The following PHACTR2 variants were observed in gnomAD, a reference collection of about 807,000 sequenced individuals.
The protein encoded by PHACTR2 is phosphatase and actin regulator 2, also known as chromosome 6 open reading frame 56.
PHACTR2 carries 30 observed loss-of-function variants against 76.0 expected under a neutral mutation model. The ratio of observed to expected loss-of-function variants is 0.39; its 90% CI spans 0.30 to 0.54. PHACTR2 has a LOEUF of 0.54. Among genes scored for constraint, PHACTR2 ranks in the 20% least tolerant of loss-of-function variants. The probability of loss-of-function intolerance (pLI) is 0.61; values close to 1 mark genes in which losing one functional copy is unlikely to be tolerated. For missense variants in PHACTR2, 696 were observed against 781.1 expected (o/e 0.89, Z 1.30); for synonymous variants, 292 against 292.5 (o/e 1.00, Z 0.02).
rs553956877 is a variant in PHACTR2, at chr6:143,541,671, G to A, written c.217+4464G>A. On this transcript the variant is annotated intron_variant, in intron 1 of 11. Transcript: ENST00000367584. The surrounding 1 kb of genome is among the most constrained non-coding windows in gnomAD (Gnocchi z 5.3). ...TCTTTTTCTCAAATCTTTAATTCCT[G>A]GTGTGTTCAGTGCTGAGTGGAAGTG... Among the ~76,000 whole-genome samples the A allele has an allele frequency of 6.6e-6, 1 of 152,104 alleles. No homozygotes were observed. The highest frequency in any genetic ancestry group is 2.4e-5 in the African/African-American group (1 of 41,402).
rs976909839 is a variant in PHACTR2 at position 143,801,140 on chromosome 6, T to C, written c.1846-5917T>C. ...GCTGCCCTTAACATTTTTTCCTCCA[T>C]TTCAACCTTCGTGAATCTGACAGTT... is the stretch of plus-strand genomic sequence containing the variant. On this transcript the variant is annotated intron_variant, in intron 11 of 12. Transcript: ENST00000440869. This position sits in a 1 kb window ranked among gnomAD's most constrained non-coding sequence, Gnocchi z 4.6. 4.6e-5 allele frequency among the ~76,000 whole-genome samples: 7 copies of C among 152,216 alleles called. No homozygotes were observed. The highest frequency in any genetic ancestry group is 8.8e-5 in the Non-Finnish European group (6 of 68,048).
rs71024875 is a variant in PHACTR2 at position 143,751,791 on chromosome 6, T to TACAC, written c.296-1932_296-1929dup. On this transcript the variant is annotated intron_variant, in intron 3 of 12. Transcript: ENST00000440869. This position sits in a 1 kb window ranked among gnomAD's most constrained non-coding sequence, Gnocchi z 5.7. Reference sequence around the variant, plus strand: ...TCCTTTGCTCTGCTTGTATTTTACTTACACACACACACACACACACACACA... The same window carrying TACAC: ...TCCTTTGCTCTGCTTGTATTTTACTTACACACACACACACACACACACACACACA... Among the ~76,000 whole-genome samples, 7,107 of 140,292 alleles carry TACAC rather than the reference T, an allele frequency of 0.051. 266 individuals carry two copies. Among genetic ancestry groups the TACAC allele is most frequent in the Admixed American group, 0.084 (1,154 of 13,710 alleles). The allele number at this position is 140,292 out of a possible 152,430, so 92.0% of individuals were successfully genotyped here.
In PHACTR2 at chr6:143,662,422, C is replaced by T. The variant is rs771016973; in HGVS notation, c.14-49594C>T. ...TTTGTTTGTTATTCCCTTAAGATGT[C>T]GTTTGGAGTTTTAAAGATATCATTG... On this transcript the variant is annotated intron_variant, in intron 1 of 11. Coordinates refer to the PHACTR2 transcript ENST00000305766. The surrounding 1 kb of genome is among the most constrained non-coding windows in gnomAD (Gnocchi z 4.7). 2.0e-5 allele frequency among the ~76,000 whole-genome samples: 3 copies of T among 151,948 alleles called. No homozygotes were observed. The highest frequency in any genetic ancestry group is 4.4e-5 in the Non-Finnish European group (3 of 67,982).
intron 1 of PHACTR2, among the ~76,000 whole-genome samples, chr6:143,584,195 AC>A (rs1775600936): frequency 6.6e-6 from 1 of 152,194 alleles, no homozygotes; most frequent in Admixed American, 6.5e-5. Flanking sequence ...TTAACTCTTG[AC>A]TAGAACCACT....
Position 143,765,159 on chromosome 6 carries a change from A to T in PHACTR2, c.695-102A>T. The T allele has an allele frequency of 2.2e-6, 2 of 915,446 alleles. No homozygotes were observed. The highest frequency in any genetic ancestry group is 3.3e-6 in the Non-Finnish European group (2 of 599,216). The allele number at this position is 915,446 out of a possible 1,614,324, so 56.7% of individuals were successfully genotyped here. A position where few individuals can be genotyped will look rare whatever the true frequency, so the allele number is the denominator to read the frequency against. On this transcript the variant is annotated intron_variant, in intron 5 of 12. Coordinates refer to ENST00000440869, the MANE Select transcript of PHACTR2 (RefSeq NM_001100164.2). The surrounding 1 kb of genome is among the most constrained non-coding windows in gnomAD (Gnocchi z 4.1). ...CTTATACATTTATTCAACAAACTTT[A>T]AAGGGAACATTTTAAATGTTGTTGA... is the stretch of plus-strand genomic sequence containing the variant.
rs759223281 is a variant in PHACTR2, at chr6:143,547,813, A to G, written c.217+10606A>G. On this transcript the variant is annotated intron_variant, in intron 1 of 11. Coordinates refer to the PHACTR2 transcript ENST00000367584. This position sits in a 1 kb window ranked among gnomAD's most constrained non-coding sequence, Gnocchi z 4.2. ...TACATTGGTTGTGATCAAGGAGGGC[A>G]CTCTCTTTTTGTTTCCAGGGATTGA... 6.6e-6 allele frequency among the ~76,000 whole-genome samples: 1 copy of G among 151,996 alleles called. No individual in the cohort carries two copies. Among genetic ancestry groups the G allele is most frequent in the Non-Finnish European group, 1.5e-5 (1 of 67,996 alleles).
chr6:143,651,240 T>G (rs1239529078), intron 1 of PHACTR2, among the ~76,000 whole-genome samples: 1 of 152,162 alleles, frequency 6.6e-6, no homozygotes, highest in Non-Finnish European at 1.5e-5. Flanking sequence ...ACACTCTTGG[T>G]GGGAGTGTGA....
At position 143,772,545 on chromosome 6, in the gene PHACTR2, C is replaced by A; in HGVS notation, c.1432+88C>A. On this transcript the variant is annotated intron_variant, in intron 7 of 12. Coordinates refer to ENST00000440869, the MANE Select transcript of PHACTR2 (RefSeq NM_001100164.2). This position sits in a 1 kb window ranked among gnomAD's most constrained non-coding sequence, Gnocchi z 5.4. ...TAAAGAATAAAAGCCTCATTAGGAA[C>A]CAGACATCTGATGTTTTCTTTCCCC... is the stretch of plus-strand genomic sequence containing the variant. 1.1e-6 allele frequency: 1 copy of A among 885,534 alleles called. No individual in the cohort carries two copies. The highest frequency in any genetic ancestry group is 1.5e-5 in the South Asian group (1 of 66,002). The allele number at this position is 885,534 out of a possible 1,614,324, so 54.9% of individuals were successfully genotyped here. A position where few individuals can be genotyped will look rare whatever the true frequency, so the allele number is the denominator to read the frequency against.
At chr6:143,778,672 A>C (rs1210564479) in intron 9 of PHACTR2, among the ~76,000 whole-genome samples, 2 of 152,196 alleles carry the variant, frequency 1.3e-5, no homozygotes, top group Non-Finnish European at 2.9e-5. Flanking sequence ...ATTGCTTTTC[A>C]TGATAGGTTC....
chr6:143,619,957 G>A lies in PHACTR2; in HGVS notation c.13+11635G>A, dbSNP rs1776123003. 1.1e-5 allele frequency among the ~76,000 whole-genome samples: 1 copy of A among 93,420 alleles called. No individual in the cohort carries two copies. The highest frequency in any genetic ancestry group is 2.9e-5 in the Non-Finnish European group (1 of 35,046). 61.3% of individuals were successfully genotyped at this position (93,420 alleles called of 152,430 possible). On this transcript the variant is annotated intron_variant, in intron 1 of 11. Transcript: ENST00000305766. The surrounding 1 kb of genome is among the most constrained non-coding windows in gnomAD (Gnocchi z 4.5). The stretch of plus-strand genomic sequence containing the variant: ...TTACAGAACATGTCACTCGGTCGGG[G>A]GTGGGGGGTCAGTTCATTTGTTCAA...
chr6:143,608,771 C>T lies in PHACTR2; in HGVS notation c.13+449C>T, dbSNP rs1775931020. Among the ~76,000 whole-genome samples the T allele has an allele frequency of 6.6e-6, 1 of 152,138 alleles. No homozygotes were observed. The highest frequency in any genetic ancestry group is 1.5e-5 in the Non-Finnish European group (1 of 68,034). ...CTTTGGTCTGATGCTTTCATCTTCA[C>T]GTTAGGATGCAATGTCGAAAATGTT... On this transcript the variant is annotated intron_variant, in intron 1 of 11. Coordinates refer to the PHACTR2 transcript ENST00000305766. The surrounding 1 kb of genome is among the most constrained non-coding windows in gnomAD (Gnocchi z 4.6).
Position 143,553,721 on chromosome 6 carries a change from A to C in PHACTR2, c.217+16514A>C, listed in dbSNP as rs1326228336. Among the ~76,000 whole-genome samples the C allele has an allele frequency of 1.3e-5, 2 of 152,194 alleles. No homozygotes were observed. The highest frequency in any genetic ancestry group is 2.4e-5 in the African/African-American group (1 of 41,448). On this transcript the variant is annotated intron_variant, in intron 1 of 11. Transcript: ENST00000367584. This position sits in a 1 kb window ranked among gnomAD's most constrained non-coding sequence, Gnocchi z 4.2. ...AAGAGGGCTCAGGGGAGCTGACTAGAGTTTGATCAAGAAAAGAGTCTTGCT... is the reference window on the plus strand; with the variant it reads ...AAGAGGGCTCAGGGGAGCTGACTAGCGTTTGATCAAGAAAAGAGTCTTGCT...
intron 12 of PHACTR2, among the ~76,000 whole-genome samples, chr6:143,814,645 C>T (rs752381720): frequency 1.6e-4 from 23 of 141,018 alleles, no homozygotes; most frequent in Non-Finnish European, 2.9e-4. Context: ...CTCTGTCGCC[C>T]AGGCTGGAGT....
chr6:143,826,754 C>G lies in PHACTR2; in HGVS notation c.*3065C>G, dbSNP rs1392996579. 1 of 152,084 alleles carries G rather than the reference C, an allele frequency of 6.6e-6. No individual in the cohort carries two copies. The allele number at this position is 152,084 out of a possible 1,614,324, so 9.4% of individuals were successfully genotyped here. On this transcript the variant is annotated 3_prime_UTR_variant, in exon 13 of 13. Transcript: ENST00000440869. ...TAATTTCCTGTGTTATGTGAAGTGTCTTGCACTTTCACATGTTAGCTATAA... is the reference window on the plus strand; with the variant it reads ...TAATTTCCTGTGTTATGTGAAGTGTGTTGCACTTTCACATGTTAGCTATAA...
intron 1 of PHACTR2, among the ~76,000 whole-genome samples, chr6:143,620,518 C>T (rs1441244405): frequency 6.6e-6 from 1 of 151,006 alleles, no homozygotes; most frequent in Non-Finnish European, 1.5e-5. Context: ...TAGCTTGTTT[C>T]TCACAGTTCT....
chr6:143,637,893 AGTT>A (rs1776490386), intron 1 of PHACTR2, among the ~76,000 whole-genome samples: 1 of 152,220 alleles, frequency 6.6e-6, no homozygotes, highest in Non-Finnish European at 1.5e-5. Flanking sequence ...GCTATGTTCT[AGTT>A]GTTAGAAACA....
At position 143,633,920 on chromosome 6, in the gene PHACTR2, T is replaced by C. The variant is rs1776407559; in HGVS notation, c.13+25598T>C. 6.6e-6 allele frequency among the ~76,000 whole-genome samples: 1 copy of C among 152,208 alleles called. No individual in the cohort carries two copies. ...AGATTTAAGATGAAAGTAAAAACGG[T>C]CCTCGTTTAGAAGCCAATATTTTAC... On this transcript the variant is annotated intron_variant, in intron 1 of 11. Coordinates refer to the PHACTR2 transcript ENST00000305766. The surrounding 1 kb of genome is among the most constrained non-coding windows in gnomAD (Gnocchi z 4.1).
At chr6:143,559,343 A>G (rs1775227733) in intron 1 of PHACTR2, among the ~76,000 whole-genome samples, 1 of 152,228 alleles carries the variant, frequency 6.6e-6, no homozygotes, top group South Asian at 2.1e-4. Context: ...ATGTGAGACC[A>G]GGCTGTTTCA....
rs1383618911 is a variant in PHACTR2, at chr6:143,684,383, T to A, written c.46+6174T>A. On this transcript the variant is annotated intron_variant, in intron 1 of 12. Coordinates refer to ENST00000440869, the MANE Select transcript of PHACTR2 (RefSeq NM_001100164.2). This position sits in a 1 kb window ranked among gnomAD's most constrained non-coding sequence, Gnocchi z 4.3. ...TCCTTTCCCCCTCCACATGGATCCATCAGCAGGTCTTGTTCTTTTTTCTTC... is the reference window on the plus strand; with the variant it reads ...TCCTTTCCCCCTCCACATGGATCCAACAGCAGGTCTTGTTCTTTTTTCTTC... 6.6e-6 allele frequency among the ~76,000 whole-genome samples: 1 copy of A among 152,188 alleles called. No homozygotes were observed. Among genetic ancestry groups the A allele is most frequent in the Non-Finnish European group, 1.5e-5 (1 of 68,028 alleles).
Sources: allele counts gnomAD v4.1 joint callset (sites outside exome capture counted in the v4.1 genomes callset), GRCh38; gene constraint gnomAD v4.1.1; non-coding constraint Gnocchi (gnomAD v3.1); transcripts MANE v1.5; gene names NCBI Gene and HGNC (gene_info 2026-07-23, HGNC 2026-07-21).